GSG1: variants seen among roughly 807,000 people sequenced by gnomAD.
The protein encoded by GSG1 is germ cell-specific gene 1 protein.
A neutral mutation model predicts 30.8 loss-of-function variants in GSG1; 28 were observed. The observed-to-expected ratio is 0.91, with a 90% CI of 0.67 to 1.25. GSG1 has a LOEUF of 1.25. Ranked by LOEUF, GSG1 falls within the 50% of genes most tolerant of loss-of-function variation. GSG1 has a pLI of 0.00. For synonymous variants in GSG1, 162 were observed against 178.0 expected (o/e 0.91, Z 0.71); for missense variants, 435 against 444.7 (o/e 0.98, Z 0.20).
At chr12:13,092,789 CTTT>C (rs139352942) in intron 1 of GSG1, among the ~76,000 whole-genome samples, 344 of 144,454 alleles carry the variant, frequency 2.4e-3, no homozygotes, top group Middle Eastern at 3.5e-3. Context: ...TAAACTTTTT[CTTT>C]TTTTTTTTTT....
chr12:13,089,159 C>T, intron 3 of GSG1, 49 bp downstream of exon 3: 1 of 1,531,244 alleles, frequency 6.5e-7, no homozygotes, highest in Non-Finnish European at 8.8e-7. Flanking sequence ...GCTTAGTGTT[C>T]CCATTTCCCG....
In GSG1 at chr12:13,103,467, C is replaced by T. The variant is rs749064336; in HGVS notation, c.46G>A (p.Glu16Lys). 2 of 1,612,958 alleles carry T rather than the reference C, an allele frequency of 1.2e-6. No individual in the cohort carries two copies. Among genetic ancestry groups the T allele is most frequent in the Non-Finnish European group, 1.7e-6 (2 of 1,178,954 alleles). The change falls in exon 1 of 7, where the codon GAG (glutamate) becomes AAG (lysine). Residue 16 changes from glutamate (E) to lysine (K), a missense_variant and splice_region_variant. Coordinates refer to ENST00000651961, the MANE Select transcript of GSG1 (RefSeq NM_001080555.4). Reference protein sequence around the residue: ...QLTQNVCLTQEMELSKAFSGQ... With the variant: ...QLTQNVCLTQKMELSKAFSGQ... ...GATTTCAAAATCACTGTACCTACCT[C>T]CTGGGTGAGGCAAACATTTTGAGTC...
Position 13,090,681 on chromosome 12 carries a change from C to G in GSG1, c.186G>C (p.Leu62=), listed in dbSNP as rs781529175. The change falls in exon 2 of 7, where the codon CTG becomes CTC. Residue 62 remains leucine, a synonymous_variant. Coordinates refer to ENST00000651961, the MANE Select transcript of GSG1 (RefSeq NM_001080555.4). The part of the protein sequence containing the change: ...FVGTQKVPKP[L]CEKGLAAKCF... ...ACTTGGCTGCCAGACCTTTCTCGCA[C>G]AGGGGCTTGGGCACCTTCTGTGTGC... is the stretch of plus-strand genomic sequence containing the variant. The G allele has an allele frequency of 6.2e-7, 1 of 1,614,242 alleles. No individual in the cohort carries two copies. Among genetic ancestry groups the G allele is most frequent in the Middle Eastern group, 1.7e-4 (1 of 6,060 alleles).
chr12:13,102,166 C>G (rs947530951), intron 1 of GSG1, among the ~76,000 whole-genome samples: 1 of 152,112 alleles, frequency 6.6e-6, no homozygotes, highest in Admixed American at 6.5e-5. Context: ...CTCAAGGCCA[C>G]AAAGCTAGTA....
At chr12:13,085,841 T>G (rs951259270) in intron 6 of GSG1, among the ~76,000 whole-genome samples, 4 of 152,222 alleles carry the variant, frequency 2.6e-5, no homozygotes, top group African/African-American at 4.8e-5. Flanking sequence ...TAGGTTGTAC[T>G]AGTGGAATTT....
rs755249530 is a variant in GSG1, at chr12:13,090,552, G to A, written c.315C>T (p.Ser105=). Residue 105 remains serine, a synonymous_variant, in exon 2 of 7, where the codon AGC becomes AGT. Transcript: ENST00000651961. ...AGGATAGCCACATGCCACTCCGGAA[G>A]CTCCGGAAGGAGAACCGGTCATCCC... The part of the protein sequence containing the change: ...ETGDDRFSFR[S]FRSGMWLSCE... 6.2e-7 allele frequency: 1 copy of A among 1,614,178 alleles called. No individual in the cohort carries two copies. The highest frequency in any genetic ancestry group is 1.7e-5 in the Admixed American group (1 of 60,034).
intron 1 of GSG1, among the ~76,000 whole-genome samples, chr12:13,099,763 T>TTTTTTTTTTTTTTTTTTGTTTTTG (rs1863054005): frequency 6.7e-6 from 1 of 148,574 alleles, no homozygotes; most frequent in African/African-American, 2.5e-5. Context: ...TTTTTTTTTT[T>TTTTTTTTTTTTTTTTTTGTTTTTG]TTTTTGTTTT....
rs1010674960 is a variant in GSG1 at position 13,089,234 on chromosome 12, C to G, written c.407G>C (p.Arg136Pro). 18 of 1,558,798 alleles carry G rather than the reference C, an allele frequency of 1.2e-5. No individual in the cohort carries two copies. Among genetic ancestry groups the G allele is most frequent in the Admixed American group, 3.9e-5 (2 of 51,852 alleles). ...PQSWKQFRAL[R>P]SSGTAAAKGE... ...TTTTGCTGCCGCTGTACCACTGGACCGAAGGGCTCTAAATTGTTTCCAGGA... is the reference window on the plus strand; with the variant it reads ...TTTTGCTGCCGCTGTACCACTGGACGGAAGGGCTCTAAATTGTTTCCAGGA... The change falls in exon 3 of 7, where the codon CGG (arginine) becomes CCG (proline). Residue 136 changes from arginine to proline, a missense_variant. Arg to Pro is a moderately radical substitution (Grantham distance 103). Transcript: ENST00000651961.
chr12:13,088,917 A>G lies in GSG1; in HGVS notation c.434-8T>C. The G allele has an allele frequency of 6.2e-7, 1 of 1,614,088 alleles. No homozygotes were observed. The highest frequency in any genetic ancestry group is 8.5e-7 in the Non-Finnish European group (1 of 1,179,966). ...AACTTCGGCACCTCTCCCCTGAAAC[A>G]TACAAGGTACAACGTCATGGAGCTA... On this transcript the variant is annotated splice_polypyrimidine_tract_variant and splice_region_variant and intron_variant, in intron 3 of 6. Coordinates refer to ENST00000651961, the MANE Select transcript of GSG1 (RefSeq NM_001080555.4).
In GSG1 at chr12:13,089,001, T is replaced by A; in HGVS notation, c.434-92A>T. On this transcript the variant is annotated intron_variant, in intron 3 of 6. Transcript: ENST00000651961. ...ACCCCATAACTGGTACTGCTCCCTC[T>A]GCTCTGACAGCACCTGCCCCGCATA... The A allele has an allele frequency of 2.0e-6, 3 of 1,479,752 alleles. No homozygotes were observed. The African/African-American group carries it at 4.2e-5, about 20-fold the overall frequency. The allele number at this position is 1,479,752 out of a possible 1,614,324, so 91.7% of individuals were successfully genotyped here.
At chr12:13,094,949 A>G (rs148580815) in intron 1 of GSG1, among the ~76,000 whole-genome samples, 3,044 of 152,310 alleles carry the variant, frequency 0.02, 55 homozygotes, top group South Asian at 0.031. Flanking sequence ...AGATACACCC[A>G]CTTTGTGGCA....
chr12:13,089,262 G>T lies in GSG1; in HGVS notation c.379C>A (p.Gln127Lys). 6.4e-7 allele frequency: 1 copy of T among 1,556,832 alleles called. No individual in the cohort carries two copies. Residue 127 changes from glutamine to lysine, a missense_variant, in exon 3 of 7, where the codon CAG becomes AAG. Gln to Lys is a moderately conservative substitution (Grantham distance 53, BLOSUM62 1). Coordinates refer to ENST00000651961, the MANE Select transcript of GSG1 (RefSeq NM_001080555.4). ...AGGGCTCTAAATTGTTTCCAGGACT[G>T]GGGATGGAGCAGTGCTAAGTGGCAC... ...TVEEPALLHPQSWKQFRALRS... is the reference protein window; with the variant it reads ...TVEEPALLHPKSWKQFRALRS...
intron 1 of GSG1, among the ~76,000 whole-genome samples, chr12:13,096,551 C>G (rs1294328257): frequency 6.6e-6 from 1 of 151,012 alleles, no homozygotes; most frequent in Non-Finnish European, 1.5e-5. Context: ...AGAATGTTGG[C>G]TGGGGATGTG....
At chr12:13,088,086 C>T (rs769392025) in intron 4 of GSG1, 27 bp from the exon 5 acceptor site, 60 of 1,613,192 alleles carry the variant, frequency 3.7e-5, no homozygotes, top group Middle Eastern at 1.7e-4. Flanking sequence ...GAAGAGGGAG[C>T]GCTCACCCTG....
At chr12:13,096,087 T>A (rs1289947111) in intron 1 of GSG1, among the ~76,000 whole-genome samples, 1 of 152,198 alleles carries the variant, frequency 6.6e-6, no homozygotes, top group Non-Finnish European at 1.5e-5. Context: ...GAAGAAACTC[T>A]ATTCTCTGCA....
chr12:13,094,396 C>A (rs1866460374), intron 1 of GSG1, among the ~76,000 whole-genome samples: 1 of 152,180 alleles, frequency 6.6e-6, no homozygotes, highest in African/African-American at 2.4e-5. Flanking sequence ...TAAAGGCACT[C>A]AACAAATTAA....
chr12:13,092,244 T>C (rs1356934185), intron 1 of GSG1, among the ~76,000 whole-genome samples: 1 of 113,076 alleles, frequency 8.8e-6, no homozygotes, highest in Non-Finnish European at 2.0e-5. Context: ...GGAGGATGTA[T>C]GTGTGTGTGT....
At chr12:13,096,934 C>CA (rs1157504396) in intron 1 of GSG1, among the ~76,000 whole-genome samples, 2 of 151,954 alleles carry the variant, frequency 1.3e-5, no homozygotes, top group Non-Finnish European at 1.5e-5. Context: ...CTTAAAAATA[C>CA]AAAAAAATTA....
chr12:13,096,658 GA>G (rs1369446717), intron 1 of GSG1, among the ~76,000 whole-genome samples: 1 of 151,948 alleles, frequency 6.6e-6, no homozygotes, highest in East Asian at 1.9e-4. Flanking sequence ...TCAGGCAAAG[GA>G]ATGACAATAT....
Sources: gnomAD v4.1 joint callset for allele counts (sites outside exome capture counted in the v4.1 genomes callset) on GRCh38, gnomAD v4.1.1 for gene constraint, MANE v1.5 for transcripts, NCBI Gene and HGNC (gene_info 2026-07-23, HGNC 2026-07-21) for gene names.